VCPKMT: variants seen among roughly 807,000 people sequenced by gnomAD.
VCPKMT encodes valosin containing protein lysine methyltransferase, also known as protein N-lysine methyltransferase METTL21D.
VCPKMT carries 32 observed loss-of-function variants against 28.6 expected under a neutral mutation model. That is an observed-to-expected ratio of 1.12 (90% CI 0.84 to 1.50). The LOEUF is 1.50. VCPKMT is among the 40% of genes most tolerant of loss of function. The probability of loss-of-function intolerance (pLI) is 0.00; values close to 1 mark genes in which losing one functional copy is unlikely to be tolerated. For missense variants in VCPKMT, 366 were observed against 285.0 expected (o/e 1.28, Z -2.05); for synonymous variants, 138 against 111.4 (o/e 1.24, Z -1.50).
intron 3 of VCPKMT, among the ~76,000 whole-genome samples, chr14:50,115,189 G>A (rs987392882): frequency 1.0e-5 from 1 of 98,200 alleles, no homozygotes; most frequent in African/African-American, 4.9e-5. Flanking sequence ...TTTTGCTCTT[G>A]TTGCCCAGGC....
chr14:50,106,962 T>C (rs1882345815), downstream of VCPKMT, among the ~76,000 whole-genome samples: 1 of 152,230 alleles, frequency 6.6e-6, no homozygotes, highest in South Asian at 2.1e-4. Context: ...TCAAGTGATC[T>C]GCCTGCCTTG....
chr14:50,106,409 T>C (rs1382159457), downstream of VCPKMT, among the ~76,000 whole-genome samples: 1 of 152,232 alleles, frequency 6.6e-6, no homozygotes, highest in East Asian at 1.9e-4. Context: ...GAATTAGCTG[T>C]GTCCTGGCTG....
downstream of VCPKMT, among the ~76,000 whole-genome samples, chr14:50,106,404 A>G (rs909667218): frequency 6.6e-6 from 1 of 152,222 alleles, no homozygotes; most frequent in Non-Finnish European, 1.5e-5. Flanking sequence ...TTTGGGAATT[A>G]GCTGTGTCCT....
At chr14:50,105,467 C>T (rs1882287296), downstream of VCPKMT, among the ~76,000 whole-genome samples, 1 of 152,072 alleles carries the variant, frequency 6.6e-6, no homozygotes, top group Non-Finnish European at 1.5e-5. Context: ...CCCATCTCTA[C>T]TAAAAATACA....
In VCPKMT at chr14:50,112,723, T is replaced by C. The variant is rs570431343; in HGVS notation, c.571-4A>G. The C allele has an allele frequency of 6.6e-5, 103 of 1,549,146 alleles. No individual in the cohort carries two copies. In the East Asian group the frequency reaches 2.3e-3, roughly 35 times the overall value. ...AGTCAAAATCTAGCTGAAGGAGCTA[T>C]AAATTTAAAAGAGACATACTTCAAA... On this transcript the variant is annotated splice_region_variant and splice_polypyrimidine_tract_variant and intron_variant, in intron 4 of 5. Coordinates refer to ENST00000395860, the MANE Select transcript of VCPKMT (RefSeq NM_024558.3).
chr14:50,102,948 T>C, the VCPKMT span, among the ~76,000 whole-genome samples: 1 of 152,246 alleles, frequency 6.6e-6, no homozygotes, highest in South Asian at 2.1e-4. Context: ...GAAAGCAAGT[T>C]TGTCCAGCCC....
chr14:50,106,577 C>T (rs1882328563), downstream of VCPKMT: 1 of 985,438 alleles, frequency 1.0e-6, no homozygotes, highest in South Asian at 4.7e-5. Context: ...CTTACAGTTC[C>T]CACATCACTC....
At chr14:50,112,827 C>T (rs1882795335) in intron 4 of VCPKMT, 108 bp from the exon 5 acceptor site, 4 of 711,280 alleles carry the variant, frequency 5.6e-6, no homozygotes, top group Non-Finnish European at 8.9e-6. Context: ...CACTCTGTCA[C>T]CCAGGCTGGA....
chr14:50,106,500 G>T, downstream of VCPKMT: 1 of 964,450 alleles, frequency 1.0e-6, no homozygotes, highest in Non-Finnish European at 1.2e-6. Context: ...TGTTGCAGAA[G>T]TCTTCTAACC....
At chr14:50,104,559 ACT>A (rs1882259467), downstream of VCPKMT, among the ~76,000 whole-genome samples, 1 of 152,200 alleles carries the variant, frequency 6.6e-6, no homozygotes, top group Non-Finnish European at 1.5e-5. Flanking sequence ...ATGAATCAAA[ACT>A]CTTTCAAATC....
chr14:50,111,266 G>A, intron 5 of VCPKMT: 1 of 984,286 alleles, frequency 1.0e-6, no homozygotes, highest in Non-Finnish European at 1.2e-6. Context: ...CTGCACAACA[G>A]CTTCAGTTAA....
intron 4 of VCPKMT, 136 bp from the exon 5 acceptor site, chr14:50,112,855 T>C (rs1882798730): frequency 1.3e-5 from 7 of 519,192 alleles, no homozygotes; most frequent in Non-Finnish European, 2.3e-5. Flanking sequence ...GGTGCGATCT[T>C]GGCTCACTGC....
chr14:50,109,135 A>G lies in VCPKMT; in HGVS notation c.*564T>C. ...AAAACTTTGGCTAATATAAGTATAC[A>G]AGACAATATCTCAGTTCTTTTTAAA... On this transcript the variant is annotated 3_prime_UTR_variant, in exon 6 of 6. Coordinates refer to ENST00000395860, the MANE Select transcript of VCPKMT (RefSeq NM_024558.3). The G allele has an allele frequency of 3.3e-6, 3 of 919,026 alleles. No homozygotes were observed. Among genetic ancestry groups the G allele is most frequent in the Non-Finnish European group, 3.9e-6 (3 of 768,978 alleles). 56.9% of individuals were successfully genotyped at this position (919,026 alleles called of 1,614,324 possible).
At chr14:50,113,744 AAGTT>A (rs1316217697) in intron 4 of VCPKMT, among the ~76,000 whole-genome samples, 1 of 135,816 alleles carries the variant, frequency 7.4e-6, no homozygotes, top group Non-Finnish European at 1.5e-5. Context: ...AAAATACAAA[AAGTT>A]AGCCGGGTGT....
At chr14:50,109,818 T>G (rs1882523320) in intron 5 of VCPKMT, 105 bp from the exon 6 acceptor site, 1 of 1,306,216 alleles carries the variant, frequency 7.7e-7, no homozygotes, top group Non-Finnish European at 1.0e-6. Flanking sequence ...ATGCCTAGTA[T>G]AACAGTGGCT....
chr14:50,113,765 A>G (rs896356477), intron 4 of VCPKMT, among the ~76,000 whole-genome samples: 18 of 121,192 alleles, frequency 1.5e-4, no homozygotes, highest in African/African-American at 5.6e-4. Flanking sequence ...GTGTGGTGGT[A>G]CATGCCTATA....
At position 50,115,909 on chromosome 14, in the gene VCPKMT, C is replaced by T. The variant is rs749996807; in HGVS notation, c.380G>A (p.Gly127Glu). 3.1e-6 allele frequency: 5 copies of T among 1,613,158 alleles called. No homozygotes were observed. The South Asian group carries it at 4.4e-5, about 14-fold the overall frequency. The change falls in exon 3 of 6, where the codon GGG becomes GAG. Residue 127 changes from glycine (G) to glutamate (E), a missense_variant and splice_region_variant. Gly to Glu is a moderately conservative substitution (Grantham distance 98). Transcript: ENST00000395860. ...AGAAGGAAAGCCTTCTATTTCTTCC[C>T]CCCTTAAAAATGCCAAACAAATATT... ...GSVQAKVLKW[G>E]EEIEGFPSPP...
At chr14:50,114,050 AC>A (rs1882920008) in intron 4 of VCPKMT, among the ~76,000 whole-genome samples, 1 of 152,234 alleles carries the variant, frequency 6.6e-6, no homozygotes, top group African/African-American at 2.4e-5. Flanking sequence ...AAGGAGTGGC[AC>A]CCGTATTAAC....
Position 50,109,534 on chromosome 14 carries a change from T to C in VCPKMT, c.*165A>G, listed in dbSNP as rs1882494180. On this transcript the variant is annotated 3_prime_UTR_variant, in exon 6 of 6. Coordinates refer to ENST00000395860, the MANE Select transcript of VCPKMT (RefSeq NM_024558.3). ...CAGGCAGGCAAGCAGGAATTTTTCG[T>C]ATTGCAGACAGCCCCTGGTGGTCAT... The C allele has an allele frequency of 2.3e-6, 3 of 1,321,954 alleles. No individual in the cohort carries two copies. The highest frequency in any genetic ancestry group is 7.9e-5 in the Admixed American group (2 of 25,184). The allele number at this position is 1,321,954 out of a possible 1,614,324, so 81.9% of individuals were successfully genotyped here.
Sources: gnomAD v4.1 joint callset for allele counts (sites outside exome capture counted in the v4.1 genomes callset) on GRCh38, gnomAD v4.1.1 for gene constraint, MANE v1.5 for transcripts, NCBI Gene and HGNC (gene_info 2026-07-23, HGNC 2026-07-21) for gene names.